EVI5: variants seen among roughly 807,000 people sequenced by gnomAD.
EVI5 encodes the protein ecotropic viral integration site 5 protein homolog.
EVI5 carries 73 observed loss-of-function variants against 112.0 expected under a neutral mutation model. The observed-to-expected ratio is 0.65, with a 90% CI of 0.54 to 0.79. The LOEUF is 0.79. EVI5 is among the 30% of genes least tolerant of loss of function. EVI5 has a pLI of 0.00. For synonymous variants in EVI5, 305 were observed against 319.9 expected, an observed-to-expected ratio of 0.95 and a Z score of 0.50; for missense variants, 900 against 968.8, an observed-to-expected ratio of 0.93 and a Z score of 0.94.
chr1:92,649,529 A>C (rs1172023837), intron 13 of EVI5, among the ~76,000 whole-genome samples: 1 of 152,210 alleles, frequency 6.6e-6, no homozygotes, highest in Admixed American at 6.5e-5. Context: ...TTAAATCATA[A>C]AGTTGGCTGA....
Position 92,690,599 on chromosome 1 carries a change from C to G in EVI5, c.1097+3203G>C, listed in dbSNP as rs139628570. Among the ~76,000 whole-genome samples, 1,016 of 152,194 alleles carry G rather than the reference C, an allele frequency of 6.7e-3. 11 individuals are homozygous for G. Among genetic ancestry groups the G allele is most frequent in the African/African-American group, 0.022 (934 of 41,518 alleles). On this transcript the variant is annotated intron_variant, in intron 9 of 19. Transcript: ENST00000684568. ...TCCTGGCCTCAAGTGATCTGCCTAC[C>G]TCGGCCTCCCAAAGTACTGGGATTA...
intron 19 of EVI5, among the ~76,000 whole-genome samples, chr1:92,521,090 T>C (rs1374869072): frequency 1.3e-5 from 2 of 151,406 alleles, no homozygotes; most frequent in African/African-American, 2.4e-5. Flanking sequence ...GCCTTCCGAG[T>C]AGCTGGGACT....
chr1:92,783,996 G>A (rs1024704890), intron 1 of EVI5, among the ~76,000 whole-genome samples: 2 of 152,122 alleles, frequency 1.3e-5, no homozygotes, highest in Non-Finnish European at 2.9e-5. Flanking sequence ...TTTCGGCAAA[G>A]AAAGGAGTTT....
Position 92,678,608 on chromosome 1 carries a change from G to A in EVI5, c.1098-1390C>T, listed in dbSNP as rs149122124. On this transcript the variant is annotated intron_variant, in intron 9 of 19. Coordinates refer to ENST00000684568, the MANE Select transcript of EVI5 (RefSeq NM_001350197.2). ...CATCTCTGTGGTCTGTCACTGATTGGAGGAGAGTAAGCACGATATGCAACT... is the reference window on the plus strand; with the variant it reads ...CATCTCTGTGGTCTGTCACTGATTGAAGGAGAGTAAGCACGATATGCAACT... Among the ~76,000 whole-genome samples the A allele has an allele frequency of 4.5e-3, 681 of 152,216 alleles. 3 individuals carry two copies. The highest frequency in any genetic ancestry group is 0.017 in the Middle Eastern group (5 of 294).
At chr1:92,571,594 T>C (rs1372014397) in intron 18 of EVI5, among the ~76,000 whole-genome samples, 1 of 152,206 alleles carries the variant, frequency 6.6e-6, no homozygotes, top group African/African-American at 2.4e-5. Flanking sequence ...AGGGTAACTA[T>C]ATTTACAATA....
chr1:92,786,090 CAAA>C (rs10651128), upstream of EVI5, among the ~76,000 whole-genome samples: 1 of 144,482 alleles, frequency 6.9e-6, no homozygotes, highest in Admixed American at 6.9e-5. Flanking sequence ...TACTCTGTCT[CAAA>C]AAAAAAAAGG....
intron 2 of EVI5, among the ~76,000 whole-genome samples, chr1:92,723,876 G>A (rs963626473): frequency 1.3e-5 from 2 of 152,146 alleles, no homozygotes; most frequent in African/African-American, 4.8e-5. Flanking sequence ...TCTATGAACG[G>A]CTGCTCTGGG....
At chr1:92,691,560 G>A (rs544964575) in intron 9 of EVI5, among the ~76,000 whole-genome samples, 129 of 152,214 alleles carry the variant, frequency 8.5e-4, no homozygotes, top group Middle Eastern at 3.4e-3. Flanking sequence ...TTCATAAAAG[G>A]AAAATGAAAT....
intron 9 of EVI5, among the ~76,000 whole-genome samples, chr1:92,687,782 T>C (rs1044638035): frequency 6.6e-6 from 1 of 152,158 alleles, no homozygotes; most frequent in Non-Finnish European, 1.5e-5. Context: ...AGACATGTGA[T>C]AAAATGCTCA....
At chr1:92,739,813 G>T (rs933512354) in intron 1 of EVI5, among the ~76,000 whole-genome samples, 1 of 151,920 alleles carries the variant, frequency 6.6e-6, no homozygotes, top group African/African-American at 2.4e-5. Context: ...ATTACTTCCT[G>T]AATCATACTG....
At chr1:92,770,613 A>C (rs2103038284) in intron 1 of EVI5, among the ~76,000 whole-genome samples, 1 of 151,932 alleles carries the variant, frequency 6.6e-6, no homozygotes, top group Non-Finnish European at 1.5e-5. Flanking sequence ...ACACAGTGAA[A>C]CCCTGATTCT....
intron 1 of EVI5, among the ~76,000 whole-genome samples, chr1:92,767,986 A>C (rs1459786601): frequency 2.0e-5 from 3 of 152,024 alleles, no homozygotes; most frequent in Non-Finnish European, 4.4e-5. Context: ...AAGCTGAGGA[A>C]AGAGAATCAC....
chr1:92,657,951 G>C (rs1466867810), intron 13 of EVI5, among the ~76,000 whole-genome samples: 2 of 152,158 alleles, frequency 1.3e-5, no homozygotes, highest in Non-Finnish European at 2.9e-5. Flanking sequence ...CATGAGGACA[G>C]CACCAAGTCA....
Position 92,550,813 on chromosome 1 carries a change from T to TAA in EVI5, c.2166+12827_2166+12828dup, listed in dbSNP as rs1553178715. ...ATATATATATATATATATATATATA[T>TAA]AACAAAAAAAACAAAAGATATATTC... On this transcript the variant is annotated intron_variant, in intron 19 of 19. Transcript: ENST00000684568. Among the ~76,000 whole-genome samples the TAA allele has an allele frequency of 3.8e-3, 306 of 80,112 alleles. 9 individuals carry two copies. The highest frequency in any genetic ancestry group is 3.0e-3 in the African/African-American group (55 of 18,624). The allele number at this position is 80,112 out of a possible 152,430, so 52.6% of individuals were successfully genotyped here.
chr1:92,592,907 C>G (rs1042916011), intron 18 of EVI5, among the ~76,000 whole-genome samples: 5 of 152,164 alleles, frequency 3.3e-5, no homozygotes, highest in Non-Finnish European at 7.3e-5. Flanking sequence ...ATAACAGGCT[C>G]TGAAATTGAG....
At chr1:92,744,594 TCTCTCTCACACACACACACACACACA>T (rs1485133863) in intron 1 of EVI5, among the ~76,000 whole-genome samples, 4 of 134,004 alleles carry the variant, frequency 3.0e-5, no homozygotes, top group Non-Finnish European at 6.4e-5. Context: ...TATCTCTCTC[TCTCTCTCACACACACACACACACACA>T]CACACACACA....
At chr1:92,522,080 A>G (rs772231855) in intron 19 of EVI5, among the ~76,000 whole-genome samples, 10 of 152,174 alleles carry the variant, frequency 6.6e-5, no homozygotes, top group Non-Finnish European at 1.3e-4. Context: ...TGTTGTCATA[A>G]TCTTTTACTG....
intron 19 of EVI5, among the ~76,000 whole-genome samples, chr1:92,537,456 A>G (rs1256545421): frequency 6.6e-6 from 1 of 152,166 alleles, no homozygotes; most frequent in Non-Finnish European, 1.5e-5. Context: ...TTGTATTTCT[A>G]AGTTCTAGAG....
chr1:92,663,486 A>T (rs1383447682), intron 11 of EVI5, 34 bp from the exon 12 acceptor site: 2 of 1,141,370 alleles, frequency 1.8e-6, no homozygotes, highest in Non-Finnish European at 2.4e-6. Context: ...GAAATATAAG[A>T]GAAAGAAATA....
Sources: allele counts gnomAD v4.1 joint callset (sites outside exome capture counted in the v4.1 genomes callset), GRCh38; gene constraint gnomAD v4.1.1; transcripts MANE v1.5; gene names NCBI Gene and HGNC (gene_info 2026-07-23, HGNC 2026-07-21).